The following COL20A1 variants were observed in gnomAD, a reference collection of about 807,000 sequenced individuals.
The protein encoded by COL20A1 is collagen type XX alpha 1 chain.
A neutral mutation model predicts 152.9 loss-of-function variants in COL20A1; 164 were observed. The observed-to-expected ratio is 1.07, with a 90% confidence interval of 0.94 to 1.22. The LOEUF (loss-of-function observed/expected upper bound fraction) is 1.22. COL20A1 is among the 50% of genes most tolerant of loss of function. The pLI, the probability that COL20A1 is intolerant of heterozygous loss-of-function variation, is 0.00. For missense variants in COL20A1, 1,873 were observed against 1,744.8 expected, an observed-to-expected ratio of 1.07 and a Z score of -1.31; for synonymous variants, 864 against 756.0, an observed-to-expected ratio of 1.14 and a Z score of -2.34.
chr20:63,316,479 G>T, intron 20 of COL20A1, 74 bp from the exon 21 acceptor site: 2 of 922,926 alleles, frequency 2.2e-6, no homozygotes, highest in Non-Finnish European at 1.5e-6. Context: ...TTGAGTCCCC[G>T]CTCCTGCCCC....
rs540749109 is a variant in COL20A1 at position 63,329,336 on chromosome 20, A to G, written c.3782-249A>G. Reference sequence around the variant, plus strand: ...TGTCTAGATGAGGGTGACAGGCACTATCACAGGGCCCCCACCTGACGCCTT... The same window carrying G: ...TGTCTAGATGAGGGTGACAGGCACTGTCACAGGGCCCCCACCTGACGCCTT... On this transcript the variant is annotated intron_variant, in intron 34 of 35. Transcript: ENST00000358894. 95 of 562,334 alleles carry G rather than the reference A, an allele frequency of 1.7e-4. 2 individuals are homozygous for G. The highest frequency in any genetic ancestry group is 1.5e-3 in the African/African-American group (80 of 51,868). The allele number at this position is 562,334 out of a possible 1,614,324, so 34.8% of individuals were successfully genotyped here. A position where few individuals can be genotyped will look rare whatever the true frequency, so the allele number is the denominator to read the frequency against.
rs1601418199 is a variant in COL20A1 at position 63,311,019 on chromosome 20, A to C, written c.1394-375A>C. On this transcript the variant is annotated intron_variant, in intron 11 of 35. Transcript: ENST00000358894. This position sits in a 1 kb window ranked among gnomAD's most constrained non-coding sequence, Gnocchi z 4.4. ...CCAGAGGAACCCTGCACCCCTAAGCACCCGCCCCCCCAGCCACCCCAAGCC... is the reference window on the plus strand; with the variant it reads ...CCAGAGGAACCCTGCACCCCTAAGCCCCCGCCCCCCCAGCCACCCCAAGCC... 6.7e-6 allele frequency among the ~76,000 whole-genome samples: 1 copy of C among 149,288 alleles called. No homozygotes were observed. The highest frequency in any genetic ancestry group is 2.5e-5 in the African/African-American group (1 of 40,236).
Position 63,327,793 on chromosome 20 carries a change from C to T in COL20A1, c.3529-159C>T, listed in dbSNP as rs2068273578. On this transcript the variant is annotated intron_variant, in intron 31 of 35. Coordinates refer to ENST00000358894, the MANE Select transcript of COL20A1 (RefSeq NM_020882.4). The stretch of plus-strand genomic sequence containing the variant: ...TGCTCTCGGGTGCAGGCGAGGACCA[C>T]AGGCTCCTAGGATCTGGGAATTTGG... 14 of 715,816 alleles carry T rather than the reference C, an allele frequency of 2.0e-5. 1 individual carries two copies. The South Asian group carries it at 2.5e-4, about 13-fold the overall frequency. The allele number at this position is 715,816 out of a possible 1,614,324, so 44.3% of individuals were successfully genotyped here.
intron 31 of COL20A1, 68 bp downstream of exon 31, chr20:63,326,891 C>T: frequency 8.6e-7 from 1 of 1,158,046 alleles, no homozygotes; most frequent in Non-Finnish European, 1.2e-6. Flanking sequence ...GCCCCACATG[C>T]AACCACTCAG....
Position 63,334,572 on chromosome 20 carries a change from C to G in COL20A1, c.*3856C>G, listed in dbSNP as rs1441736249. ...AGCAGGAACCACAGGCGTGCGCCAC[C>G]ACGCTTGGCTAATGTTTTTTGTATT... On this transcript the variant is annotated 3_prime_UTR_variant, in exon 36 of 36. Coordinates refer to ENST00000358894, the MANE Select transcript of COL20A1 (RefSeq NM_020882.4). 3 of 152,210 alleles carry G rather than the reference C, an allele frequency of 2.0e-5. No individual in the cohort carries two copies. Among genetic ancestry groups the G allele is most frequent in the Admixed American group, 6.5e-5 (1 of 15,284 alleles). The allele number at this position is 152,210 out of a possible 1,614,324, so 9.4% of individuals were successfully genotyped here. A position where few individuals can be genotyped will look rare whatever the true frequency, so the allele number is the denominator to read the frequency against.
chr20:63,312,134 A>G (rs980062351), intron 14 of COL20A1, 79 bp downstream of exon 14: 25 of 1,432,760 alleles, frequency 1.7e-5, no homozygotes, highest in Non-Finnish European at 2.3e-5. Flanking sequence ...GGTGGAGCCA[A>G]CCATCAGATA....
chr20:63,325,630 C>A (rs2068234821), intron 28 of COL20A1, 38 bp from the exon 29 acceptor site: 1 of 1,593,234 alleles, frequency 6.3e-7, no homozygotes, highest in Non-Finnish European at 8.6e-7. Context: ...GGATGTGACC[C>A]TGGCCCCTGC....
In COL20A1 at chr20:63,320,103, G is replaced by A. The variant is rs755356247; in HGVS notation, c.2981G>A (p.Arg994Gln). The A allele has an allele frequency of 2.6e-5, 40 of 1,551,332 alleles. No homozygotes were observed. The highest frequency in any genetic ancestry group is 4.1e-5 in the African/African-American group (3 of 73,128). Residue 994 changes from arginine to glutamine, a missense_variant, in exon 24 of 36, where the codon CGG becomes CAG. Coordinates refer to ENST00000358894, the MANE Select transcript of COL20A1 (RefSeq NM_020882.4). ...GTGGACTGCCGGAAGGTGGCTGAGC[G>A]GCCCCTTGGGGAGATGGGCAGCCCA... is the stretch of plus-strand genomic sequence containing the variant. Reference protein sequence around the residue: ...LYVDCRKVAERPLGEMGSPPA... With the variant: ...LYVDCRKVAEQPLGEMGSPPA...
intron 9 of COL20A1, 96 bp downstream of exon 9, chr20:63,309,593 C>A: frequency 7.6e-7 from 1 of 1,314,556 alleles, no homozygotes; most frequent in East Asian, 2.7e-5. Flanking sequence ...GTACCTGAGG[C>A]CGGCTCCTGT....
chr20:63,307,426 G>A (rs1291476715), intron 5 of COL20A1, 64 bp from the exon 6 acceptor site: 6 of 1,496,734 alleles, frequency 4.0e-6, no homozygotes, highest in African/African-American at 1.4e-5. Context: ...CGGGGTAGGT[G>A]ATCTGGGGGC....
Position 63,312,564 on chromosome 20 carries a change from GC to G in COL20A1, c.1933+16del, listed in dbSNP as rs3833299. 0.24 allele frequency: 382,013 copies of G among 1,559,558 alleles called. 48,747 individuals are homozygous for G. The highest frequency in any genetic ancestry group is 0.41 in the Admixed American group (21,682 of 53,288). On this transcript the variant is annotated intron_variant, in intron 15 of 35. Coordinates refer to ENST00000358894, the MANE Select transcript of COL20A1 (RefSeq NM_020882.4). ...GGTGACCACCAGTGAGTGGGGAGAG[GC>G]TGGGGCTGGGGGTCCAGCAGGGTTT...
rs1050557058 is a variant in COL20A1 at position 63,331,269 on chromosome 20, A to C, written c.*553A>C. On this transcript the variant is annotated 3_prime_UTR_variant, in exon 36 of 36. Coordinates refer to ENST00000358894, the MANE Select transcript of COL20A1 (RefSeq NM_020882.4). Reference sequence around the variant, plus strand: ...GCTCCTCCCTCAGAACAGCACTCCCACCCCGGCCCCAGCACCTTCACATCT... The same window carrying C: ...GCTCCTCCCTCAGAACAGCACTCCCCCCCCGGCCCCAGCACCTTCACATCT... The C allele has an allele frequency of 6.6e-6, 1 of 150,812 alleles. No individual in the cohort carries two copies. The highest frequency in any genetic ancestry group is 1.5e-5 in the Non-Finnish European group (1 of 67,772). The allele number at this position is 150,812 out of a possible 1,614,324, so 9.3% of individuals were successfully genotyped here.
rs1351087485 is a variant in COL20A1 at position 63,311,080 on chromosome 20, T to G, written c.1394-314T>G. Among the ~76,000 whole-genome samples the G allele has an allele frequency of 6.6e-6, 1 of 152,004 alleles. No individual in the cohort carries two copies. Among genetic ancestry groups the G allele is most frequent in the Non-Finnish European group, 1.5e-5 (1 of 67,992 alleles). On this transcript the variant is annotated intron_variant, in intron 11 of 35. Transcript: ENST00000358894. This position sits in a 1 kb window ranked among gnomAD's most constrained non-coding sequence, Gnocchi z 4.4. The stretch of plus-strand genomic sequence containing the variant: ...TCTGGATGTGCCTGTCCCAGACGTT[T>G]CCTGCAGGTGGAATCACACAGTGCA...
chr20:63,310,376 T>G lies in COL20A1; in HGVS notation c.1264-5T>G. ...CTGGCTCCGTCCTTGCCCACTCTGT[T>G]CCAGGTGGTGGTGGAGGGACCCGCC... On this transcript the variant is annotated splice_polypyrimidine_tract_variant and splice_region_variant and intron_variant, in intron 10 of 35. Coordinates refer to ENST00000358894, the MANE Select transcript of COL20A1 (RefSeq NM_020882.4). 5 of 1,610,950 alleles carry G rather than the reference T, an allele frequency of 3.1e-6. No individual in the cohort carries two copies. Among genetic ancestry groups the G allele is most frequent in the Non-Finnish European group, 4.2e-6 (5 of 1,179,252 alleles).
In COL20A1 at chr20:63,332,747, C is replaced by T. The variant is rs908102682; in HGVS notation, c.*2031C>T. 1.3e-5 allele frequency: 2 copies of T among 152,316 alleles called. No homozygotes were observed. The highest frequency in any genetic ancestry group is 2.9e-5 in the Non-Finnish European group (2 of 68,090). The allele number at this position is 152,316 out of a possible 1,614,324, so 9.4% of individuals were successfully genotyped here. ...GGGGAGTCCGGCTGTCTTCGGGAAA[C>T]TGACTTTATGCTGGAGGCCAATTAA... On this transcript the variant is annotated 3_prime_UTR_variant, in exon 36 of 36. Coordinates refer to ENST00000358894, the MANE Select transcript of COL20A1 (RefSeq NM_020882.4).
At chr20:63,299,248 C>A (rs2123375178) in intron 3 of COL20A1, among the ~76,000 whole-genome samples, 1 of 152,290 alleles carries the variant, frequency 6.6e-6, no homozygotes, top group Non-Finnish European at 1.5e-5. Flanking sequence ...TGGGTGTAAA[C>A]CCAGGAGTGG....
rs1302210967 is a variant in COL20A1 at position 63,331,804 on chromosome 20, AAG to A, written c.*1094_*1095del. The A allele has an allele frequency of 2.6e-5, 4 of 152,260 alleles. No individual in the cohort carries two copies. Among genetic ancestry groups the A allele is most frequent in the Non-Finnish European group, 4.4e-5 (3 of 68,064 alleles). 9.4% of individuals were successfully genotyped at this position (152,260 alleles called of 1,614,324 possible). A position where few individuals can be genotyped will look rare whatever the true frequency, so the allele number is the denominator to read the frequency against. On this transcript the variant is annotated 3_prime_UTR_variant, in exon 36 of 36. Coordinates refer to ENST00000358894, the MANE Select transcript of COL20A1 (RefSeq NM_020882.4). The stretch of plus-strand genomic sequence containing the variant: ...GAATGAAAAGTATTAAAAAGGAACA[AAG>A]AGAGACCCTTGATATTGACAGAAGG...
intron 33 of COL20A1, 75 bp from the exon 34 acceptor site, chr20:63,328,256 G>A: frequency 2.6e-6 from 4 of 1,552,456 alleles, no homozygotes; most frequent in Non-Finnish European, 3.5e-6. Flanking sequence ...TGGGCCAGGT[G>A]TCCTGGCGTG....
At chr20:63,318,993 C>T (rs376138912) in intron 21 of COL20A1, 65 bp from the exon 22 acceptor site, 10 of 1,331,980 alleles carry the variant, frequency 7.5e-6, no homozygotes, top group Admixed American at 6.9e-5. Flanking sequence ...GCGAGCGGAT[C>T]GTTCTGCCAG....
Sources: allele counts gnomAD v4.1 joint callset (sites outside exome capture counted in the v4.1 genomes callset), GRCh38; gene constraint gnomAD v4.1.1; non-coding constraint Gnocchi (gnomAD v3.1); transcripts MANE v1.5; gene names NCBI Gene and HGNC (gene_info 2026-07-23, HGNC 2026-07-21).